The following KIF6 variants were observed in gnomAD, a reference collection of about 807,000 sequenced individuals.
The protein encoded by KIF6 is kinesin-like protein KIF6.
Under a neutral mutation model 112.7 loss-of-function variants are expected in KIF6, and 106 were observed. The observed-to-expected ratio is 0.94, with a 90% CI of 0.80 to 1.11. The LOEUF is 1.11. KIF6 is among the 50% of genes least tolerant of loss of function. The pLI is 0.00. For synonymous variants in KIF6, 339 were observed against 339.9 expected (o/e 1.00, Z 0.03); for missense variants, 929 against 964.0 (o/e 0.96, Z 0.48).
rs1215911516 is a variant in KIF6, at chr6:39,721,807, A to AG, written c.67-997dup. Among the ~76,000 whole-genome samples, 10 of 84,824 alleles carry AG rather than the reference A, an allele frequency of 1.2e-4. No homozygotes were observed. The South Asian group carries it at 4.2e-3, about 36-fold the overall frequency. The allele number at this position is 84,824 out of a possible 152,430, so 55.6% of individuals were successfully genotyped here. A position where few individuals can be genotyped will look rare whatever the true frequency, so the allele number is the denominator to read the frequency against. Reference sequence around the variant, plus strand: ...AAAAAAAAAAAGTCATTAGATTTAAAGGTTTTTTTTTTTTTTTTAAAGGCT... The same window carrying AG: ...AAAAAAAAAAAGTCATTAGATTTAAAGGGTTTTTTTTTTTTTTTTAAAGGCT... On this transcript the variant is annotated intron_variant, in intron 1 of 22. Transcript: ENST00000287152.
In KIF6 at chr6:39,586,331, C is replaced by G; in HGVS notation, c.920G>C (p.Arg307Thr). 1 of 1,614,066 alleles carries G rather than the reference C, an allele frequency of 6.2e-7. No individual in the cohort carries two copies. Among genetic ancestry groups the G allele is most frequent in the Non-Finnish European group, 8.5e-7 (1 of 1,179,916 alleles). ...CATGCAGTTCCCTCCCAAACTGTCT[C>G]TTAGGACACTGGTCATCATGGAGTT... is the stretch of plus-strand genomic sequence containing the variant. The part of the protein sequence containing the change: ...YRNSMMTSVL[R>T]DSLGGNCMTT... Residue 307 changes from arginine to threonine, a missense_variant, in exon 8 of 23, where the codon AGA becomes ACA. Around this residue, in one of 2 missense-constraint regions of KIF6, gnomAD observed 688 missense variants for 662.7 expected, o/e 1.04. Transcript: ENST00000287152.
chr6:39,636,680 G>T (rs1784637425), intron 4 of KIF6, among the ~76,000 whole-genome samples: 1 of 151,938 alleles, frequency 6.6e-6, no homozygotes, highest in Admixed American at 6.6e-5. Context: ...CCTCTCTGCA[G>T]CATGTCAAAG....
intron 5 of KIF6, among the ~76,000 whole-genome samples, chr6:39,630,691 C>T (rs1226712507): frequency 6.6e-6 from 1 of 151,952 alleles, no homozygotes; most frequent in Non-Finnish European, 1.5e-5. Context: ...TTGCAATTGG[C>T]TAGGACTTCC....
At chr6:39,552,990 A>C (rs980724809) in intron 10 of KIF6, among the ~76,000 whole-genome samples, 5 of 152,238 alleles carry the variant, frequency 3.3e-5, no homozygotes, top group Non-Finnish European at 7.3e-5. Flanking sequence ...GAAACTATAC[A>C]AAAATTTTTC....
chr6:39,345,882 A>C (rs1271124777), intron 20 of KIF6, 93 bp from the exon 21 acceptor site: 1 of 855,550 alleles, frequency 1.2e-6, no homozygotes, highest in African/African-American at 1.7e-5. Flanking sequence ...TATGGACTGA[A>C]TGTGTCCTCT....
At chr6:39,425,337 A>C (rs924556611) in intron 14 of KIF6, among the ~76,000 whole-genome samples, 8 of 152,248 alleles carry the variant, frequency 5.3e-5, no homozygotes, top group African/African-American at 1.9e-4. Flanking sequence ...AGAGGAGGAC[A>C]GAAGACTGGG....
chr6:39,420,563 G>A (rs540805441), intron 14 of KIF6, among the ~76,000 whole-genome samples: 4 of 152,274 alleles, frequency 2.6e-5, no homozygotes, highest in African/African-American at 7.2e-5. Flanking sequence ...CAGAGACTGC[G>A]TGGCCTACAG....
At chr6:39,574,744 T>A (rs1780839564) in intron 10 of KIF6, among the ~76,000 whole-genome samples, 1 of 152,170 alleles carries the variant, frequency 6.6e-6, no homozygotes, top group Non-Finnish European at 1.5e-5. Flanking sequence ...CTCTGCATCA[T>A]CTCTATTTTC....
At chr6:39,708,219 A>G (rs1346678217) in intron 3 of KIF6, among the ~76,000 whole-genome samples, 1 of 152,132 alleles carries the variant, frequency 6.6e-6, no homozygotes, top group Non-Finnish European at 1.5e-5. Context: ...CTGCCATGAG[A>G]AAATCCCCTG....
intron 13 of KIF6, among the ~76,000 whole-genome samples, chr6:39,519,669 T>C (rs989701957): frequency 7.9e-6 from 1 of 126,856 alleles, no homozygotes; most frequent in African/African-American, 3.3e-5. Context: ...TAATATGACA[T>C]GAAGATCAAC....
chr6:39,444,231 C>A (rs962126452), intron 13 of KIF6, among the ~76,000 whole-genome samples: 3 of 152,096 alleles, frequency 2.0e-5, no homozygotes, highest in African/African-American at 7.2e-5. Context: ...ACTCCAAAAC[C>A]CACCTTTCTT....
chr6:39,565,724 C>T (rs577614426), intron 10 of KIF6, among the ~76,000 whole-genome samples: 60 of 152,320 alleles, frequency 3.9e-4, no homozygotes, highest in African/African-American at 1.4e-3. Context: ...CAACAAATCT[C>T]AATTCATCTT....
intron 13 of KIF6, among the ~76,000 whole-genome samples, chr6:39,531,420 G>T (rs1562292276): frequency 6.6e-6 from 1 of 152,144 alleles, no homozygotes; most frequent in Admixed American, 6.5e-5. Context: ...TGGGCAAGAA[G>T]ACATAGAAAT....
chr6:39,501,762 C>T (rs1258494940), intron 13 of KIF6, among the ~76,000 whole-genome samples: 8 of 152,028 alleles, frequency 5.3e-5, no homozygotes, highest in Non-Finnish European at 7.4e-5. Flanking sequence ...TGGATTAAGA[C>T]AGGCAGACAA....
intron 13 of KIF6, among the ~76,000 whole-genome samples, chr6:39,435,008 G>A (rs751325809): frequency 1.3e-3 from 195 of 151,988 alleles, no homozygotes; most frequent in African/African-American, 1.4e-3. Context: ...TATGATCTCC[G>A]CAAATAAGTT....
At chr6:39,590,214 C>T (rs1781856823) in intron 7 of KIF6, among the ~76,000 whole-genome samples, 1 of 152,068 alleles carries the variant, frequency 6.6e-6, no homozygotes, top group African/African-American at 2.4e-5. Flanking sequence ...GCTGGGCTGA[C>T]AGTTGTGCAG....
At chr6:39,573,854 C>T (rs1224783084) in intron 10 of KIF6, among the ~76,000 whole-genome samples, 1 of 152,188 alleles carries the variant, frequency 6.6e-6, no homozygotes, top group East Asian at 1.9e-4. Flanking sequence ...TTATGAGTTT[C>T]TTGAGAGCAG....
chr6:39,663,608 T>C (rs902508331), intron 3 of KIF6, among the ~76,000 whole-genome samples: 4 of 152,012 alleles, frequency 2.6e-5, no homozygotes, highest in African/African-American at 9.7e-5. Context: ...TTATAAAATA[T>C]GAATATAGCA....
chr6:39,544,565 ATC>A lies in KIF6; in HGVS notation c.1414_1415del (p.Asp472Ter), dbSNP rs748105371. 6.2e-7 allele frequency: 1 copy of A among 1,611,640 alleles called. No homozygotes were observed. The highest frequency in any genetic ancestry group is 8.5e-7 in the Non-Finnish European group (1 of 1,179,078). ...RKLRDILKQR[D>X]NEINILVNML... ...CTTCAGAAAGGATACTGATTTCGTT[ATC>A]TCTCTGTTTCAGAATATCTCGTAGC... On this transcript the variant is annotated frameshift_variant, in exon 12 of 23. Transcript: ENST00000287152. LOFTEE classifies it high-confidence loss of function.
Sources: gnomAD v4.1 joint callset for allele counts (sites outside exome capture counted in the v4.1 genomes callset) on GRCh38, gnomAD v4.1.1 for gene constraint, gnomAD v4.1.1 regional missense constraint, MANE v1.5 for transcripts, NCBI Gene and HGNC (gene_info 2026-07-23, HGNC 2026-07-21) for gene names.